The following SLC26A1 variants were observed in gnomAD, a reference collection of about 807,000 sequenced individuals.
SLC26A1 encodes the protein solute carrier family 26 member 1, also known as sulfate anion transporter 1.
SLC26A1 carries 18 observed loss-of-function variants against 14.5 expected under a neutral mutation model. The observed-to-expected ratio is 1.24, with a 90% CI of 0.86 to 1.84. SLC26A1 has a LOEUF of 1.84. Ranked by LOEUF, SLC26A1 falls within the 40% of genes most tolerant of loss-of-function variation. The pLI is 0.00. For synonymous variants in SLC26A1, 505 were observed against 492.0 expected (o/e 1.03, Z -0.35); for missense variants, 1,049 against 1,020.0 (o/e 1.03, Z -0.39).
In SLC26A1 at chr4:991,155, G is replaced by A. The variant is rs923431513; in HGVS notation, c.549C>T (p.Ala183=). ...RDCYAIRVAT[A]LTLMTGLYQV... ...GGTAAAGCCCGGTCATCAGCGTGAG[G>A]GCGGTGGCGACACGGATGGCGTAGC... Residue 183 remains alanine (A), a synonymous_variant, in exon 2 of 3, where the codon GCC becomes GCT. Coordinates refer to ENST00000398516, the MANE Select transcript of SLC26A1 (RefSeq NM_022042.4). The A allele has an allele frequency of 3.2e-6, 5 of 1,557,982 alleles. No individual in the cohort carries two copies. The highest frequency in any genetic ancestry group is 1.2e-5 in the South Asian group (1 of 81,878).
chr4:988,827 G>A lies in SLC26A1; in HGVS notation c.*6C>T. ...GAGCAGAGGCTGCTGGGCAGGCCTG[G>A]CCCTGCTACAGATGGGCATCGGTGG... On this transcript the variant is annotated 3_prime_UTR_variant, in exon 3 of 3. Coordinates refer to ENST00000398516, the MANE Select transcript of SLC26A1 (RefSeq NM_022042.4). 1.3e-6 allele frequency: 2 copies of A among 1,578,184 alleles called. No individual in the cohort carries two copies. Among genetic ancestry groups the A allele is most frequent in the East Asian group, 2.3e-5 (1 of 43,480 alleles).
intron 2 of SLC26A1, chr4:990,649 A>T (rs960978348): frequency 4.6e-5 from 22 of 477,072 alleles, no homozygotes; most frequent in Non-Finnish European, 7.4e-5. Flanking sequence ...TTTATTTCAG[A>T]ATTAAGACCT....
intron 2 of SLC26A1, chr4:979,542 G>A (rs761317032): frequency 6.8e-6 from 11 of 1,609,850 alleles, no homozygotes; most frequent in Middle Eastern, 1.7e-4. Flanking sequence ...GGTGGAGGCC[G>A]CTGACCCGCT....
chr4:989,676 G>A lies in SLC26A1; in HGVS notation c.1263C>T (p.Thr421=), dbSNP rs575164465. The A allele has an allele frequency of 6.0e-5, 94 of 1,571,054 alleles. No homozygotes were observed. The East Asian group carries it at 8.2e-4, about 14-fold the overall frequency. Residue 421 remains threonine (T), a synonymous_variant, in exon 3 of 3, where the codon ACC becomes ACT. Transcript: ENST00000398516. The part of the protein sequence containing the change: ...RTQLSSVVSA[T]VVLLVLLALA... Reference sequence around the variant, plus strand: ...GCGCCAGCAGCACCAGCAGCACCACGGTGGCGCTGACCACGCTGGACAGCT... The same window carrying A: ...GCGCCAGCAGCACCAGCAGCACCACAGTGGCGCTGACCACGCTGGACAGCT...
intron 1 of SLC26A1, chr4:992,330 CCT>C (rs1433583543): frequency 4.7e-5 from 19 of 400,840 alleles, no homozygotes; most frequent in South Asian, 2.0e-4. Context: ...TCCACCCACC[CCT>C]CTGTCACCTG....
rs765995686 is a variant in SLC26A1, at chr4:990,298, C to T, written c.641G>A (p.Gly214Asp). 5 of 1,604,214 alleles carry T rather than the reference C, an allele frequency of 3.1e-6. No individual in the cohort carries two copies. The highest frequency in any genetic ancestry group is 1.7e-5 in the Admixed American group (1 of 58,478). ...SAYLSQPLLDGFAMGASVTIL... is the reference protein window; with the variant it reads ...SAYLSQPLLDDFAMGASVTIL... ...GGTCACGGAGGCCCCCATGGCAAAG[C>T]CATCGAGCAGTGGCTGTGAGAGGTA... The change falls in exon 3 of 3, where the codon GGC becomes GAC. Residue 214 changes from glycine (G) to aspartate (D), a missense_variant. By Grantham distance (94) the Gly-to-Asp change is moderately conservative (BLOSUM62 -1). Coordinates refer to ENST00000398516, the MANE Select transcript of SLC26A1 (RefSeq NM_022042.4).
chr4:986,942 C>CA, downstream of SLC26A1: 8 of 660,876 alleles, frequency 1.2e-5, no homozygotes, highest in East Asian at 3.9e-5. Flanking sequence ...CGAGGCCACC[C>CA]AACCCCTCCC....
chr4:989,894 C>T lies in SLC26A1; in HGVS notation c.1045G>A (p.Ala349Thr). The change falls in exon 3 of 3, where the codon GCC (alanine) becomes ACC (threonine). Residue 349 changes from alanine to threonine, a missense_variant. Ala to Thr is a moderately conservative substitution (Grantham distance 58, BLOSUM62 0). Transcript: ENST00000398516. ...ATGGAGAAGGCGGCAGCCACGAGGG[C>T]CAGGGCCACGGCATCCAAAGCCACA... The part of the protein sequence containing the change: ...QRVALDAVAL[A>T]LVAAAFSISL... 1.3e-6 allele frequency: 2 copies of T among 1,567,480 alleles called. No individual in the cohort carries two copies. The highest frequency in any genetic ancestry group is 2.3e-5 in the South Asian group (2 of 85,402).
At chr4:979,794 A>G (rs575115350) in intron 2 of SLC26A1, among the ~76,000 whole-genome samples, 37 of 152,354 alleles carry the variant, frequency 2.4e-4, no homozygotes, top group African/African-American at 8.7e-4. Flanking sequence ...GGCTGGCACA[A>G]GCCCTCTGCA....
chr4:987,641 A>G, downstream of SLC26A1: 1 of 1,450,986 alleles, frequency 6.9e-7, no homozygotes, highest in Non-Finnish European at 9.1e-7. Context: ...CCCCATGAAG[A>G]TGGGACCTCC....
Position 988,027 on chromosome 4 carries a change from CG to C in SLC26A1, c.*805del, listed in dbSNP as rs1242134702. 1 of 1,495,396 alleles carries C rather than the reference CG, an allele frequency of 6.7e-7. No individual in the cohort carries two copies. The highest frequency in any genetic ancestry group is 8.9e-7 in the Non-Finnish European group (1 of 1,117,980). The allele number at this position is 1,495,396 out of a possible 1,614,324, so 92.6% of individuals were successfully genotyped here. ...TGGGAGGGGAGGGCTGGGGGCTGCT[CG>C]GAAGACCCCTTGTTCCCCCACCTCC... On this transcript the variant is annotated 3_prime_UTR_variant, in exon 3 of 3. Coordinates refer to ENST00000398516, the MANE Select transcript of SLC26A1 (RefSeq NM_022042.4).
chr4:989,343 GACGAGGC>G lies in SLC26A1; in HGVS notation c.1589_1595del (p.Gly530AlafsTer91). 1 of 1,603,688 alleles carries G rather than the reference GACGAGGC, an allele frequency of 6.2e-7. No homozygotes were observed. Among genetic ancestry groups the G allele is most frequent in the Non-Finnish European group, 8.5e-7 (1 of 1,175,740 alleles). On this transcript the variant is annotated frameshift_variant, in exon 3 of 3. Coordinates refer to ENST00000398516, the MANE Select transcript of SLC26A1 (RefSeq NM_022042.4). LOFTEE classifies it low-confidence loss of function (END_TRUNC). Reference sequence around the variant, plus strand: ...GGAACACCCGCACGCCGGGCTCAGGGACGAGGCCCTCGAACTCTGTGGCATCCTCGTA... The same window carrying G: ...GGAACACCCGCACGCCGGGCTCAGGGCCTCGAACTCTGTGGCATCCTCGTA...
chr4:991,655 C>G lies in SLC26A1; in HGVS notation c.49G>C (p.Val17Leu). The G allele has an allele frequency of 6.5e-7, 1 of 1,546,942 alleles. No individual in the cohort carries two copies. The highest frequency in any genetic ancestry group is 8.7e-7 in the Non-Finnish European group (1 of 1,153,518). The change falls in exon 2 of 3, where the codon GTC (valine) becomes CTC (leucine). Residue 17 changes from valine to leucine, a missense_variant. Physicochemically the swap from Val to Leu is conservative, Grantham distance 32. Transcript: ENST00000398516. The part of the protein sequence containing the change: ...PLQQGRGPVP[V>L]RRQRPAPRGL... ...CGGGGTGCTGGGCGCTGCCGTCGGA[C>G]CGGCACCGGCCCTCTGCCCTGCTGC...
chr4:990,421 C>T, intron 2 of SLC26A1, 59 bp from the exon 3 acceptor site: 1 of 1,475,640 alleles, frequency 6.8e-7, no homozygotes, highest in Non-Finnish European at 9.1e-7. Context: ...TGCCCCTCAC[C>T]AGCACCTGGC....
In SLC26A1 at chr4:990,047, C is replaced by T; in HGVS notation, c.892G>A (p.Val298Ile). 6.2e-7 allele frequency: 1 copy of T among 1,600,572 alleles called. No homozygotes were observed. Among genetic ancestry groups the T allele is most frequent in the Non-Finnish European group, 8.5e-7 (1 of 1,175,588 alleles). Residue 298 changes from valine (V) to isoleucine (I), a missense_variant, in exon 3 of 3, where the codon GTC (valine) becomes ATC (isoleucine). Physicochemically the swap from Val to Ile is conservative, Grantham distance 29. Transcript: ENST00000398516. The stretch of plus-strand genomic sequence containing the variant: ...GACACGAGTGTGGCCACCACGATGA[C>T]CAGCAGCTCCGTGGGCAGCGGCACC... ...LRVPLPTELL[V>I]IVVATLVSHF... is the part of the protein sequence containing the mutation.
At chr4:984,156 C>T (rs76589519), downstream of SLC26A1, among the ~76,000 whole-genome samples, 337 of 152,282 alleles carry the variant, frequency 2.2e-3, 6 homozygotes, top group African/African-American at 7.3e-3. Context: ...TAAACCAATT[C>T]GTTATCAGCT....
In SLC26A1 at chr4:989,521, ACC is replaced by A; in HGVS notation, c.1416_1417del (p.Val473LeufsTer61). 1.9e-6 allele frequency: 3 copies of A among 1,554,550 alleles called. No homozygotes were observed. Among genetic ancestry groups the A allele is most frequent in the Non-Finnish European group, 2.6e-6 (3 of 1,149,886 alleles). Reference sequence around the variant, plus strand: ...ACAGGTGGCCGCGGTGCCTGCCCAGACCAGCGCGTCAGCCGGGCTCATCCGCC... The same window carrying A: ...ACAGGTGGCCGCGGTGCCTGCCCAGAAGCGCGTCAGCCGGGCTCATCCGCC... On this transcript the variant is annotated frameshift_variant, in exon 3 of 3. Coordinates refer to ENST00000398516, the MANE Select transcript of SLC26A1 (RefSeq NM_022042.4). LOFTEE classifies it low-confidence loss of function (END_TRUNC).
Position 989,147 on chromosome 4 carries a change from T to G in SLC26A1, c.1792A>C (p.Thr598Pro). The G allele has an allele frequency of 6.2e-7, 1 of 1,607,726 alleles. No individual in the cohort carries two copies. The highest frequency in any genetic ancestry group is 8.5e-7 in the Non-Finnish European group (1 of 1,176,894). Residue 598 changes from threonine (T) to proline (P), a missense_variant, in exon 3 of 3, where the codon ACC becomes CCC. Thr to Pro is a conservative substitution (Grantham distance 38). Transcript: ENST00000398516. The part of the protein sequence containing the change: ...AQGEDLGPVS[T>P]RAALVPAAAG... Reference sequence around the variant, plus strand: ...GCTGCGGGCACCAGCGCAGCCCTGGTGCTAACCGGGCCCAGGTCCTCGCCC... The same window carrying G: ...GCTGCGGGCACCAGCGCAGCCCTGGGGCTAACCGGGCCCAGGTCCTCGCCC...
intron 2 of SLC26A1, among the ~76,000 whole-genome samples, chr4:980,586 C>CA (rs57819047): frequency 0.041 from 2,077 of 50,606 alleles, 79 homozygotes; most frequent in South Asian, 0.19. Context: ...AACTCCATCT[C>CA]AAAAAAAAAA....
Sources: gnomAD v4.1 joint callset for allele counts (sites outside exome capture counted in the v4.1 genomes callset) on GRCh38, gnomAD v4.1.1 for gene constraint, MANE v1.5 for transcripts, NCBI Gene and HGNC (gene_info 2026-07-23, HGNC 2026-07-21) for gene names.